UBE2E1: variants seen among roughly 807,000 people sequenced by gnomAD.
UBE2E1 encodes the protein ubiquitin conjugating enzyme E2 E1.
A neutral mutation model predicts 21.4 loss-of-function variants in UBE2E1; 6 were observed. That is an observed-to-expected ratio of 0.28 (90% CI 0.15 to 0.55). UBE2E1 has a LOEUF of 0.55. Among genes scored for constraint, UBE2E1 ranks in the 20% least tolerant of loss-of-function variants. UBE2E1 has a pLI of 0.93. For synonymous variants in UBE2E1, 87 were observed against 82.7 expected, an observed-to-expected ratio of 1.05 and a Z score of -0.28; for missense variants, 142 against 236.5, an observed-to-expected ratio of 0.60 and a Z score of 2.62.
chr3:23,843,012 A>G (rs1700127078), intron 3 of UBE2E1, among the ~76,000 whole-genome samples: 1 of 151,628 alleles, frequency 6.6e-6, no homozygotes, highest in African/African-American at 2.4e-5. Flanking sequence ...TATACTATAT[A>G]TGTTACAGTT....
At chr3:23,844,941 T>C (rs1700165904) in intron 3 of UBE2E1, among the ~76,000 whole-genome samples, 1 of 152,126 alleles carries the variant, frequency 6.6e-6, no homozygotes, top group Non-Finnish European at 1.5e-5. Flanking sequence ...GATTTTAATA[T>C]ATAATATATA....
chr3:23,872,065 C>T (rs993373498), intron 3 of UBE2E1, among the ~76,000 whole-genome samples: 5 of 151,338 alleles, frequency 3.3e-5, no homozygotes, highest in East Asian at 2.0e-4. Flanking sequence ...CACGCCACTG[C>T]GCTCCAGCCT....
rs565948806 is a variant in UBE2E1, at chr3:23,808,023, T to A, written c.152+602T>A. 4 of 152,376 alleles carry A rather than the reference T, an allele frequency of 2.6e-5. No homozygotes were observed. The highest frequency in any genetic ancestry group is 2.6e-4 in the Admixed American group (4 of 15,306). 9.4% of individuals were successfully genotyped at this position (152,376 alleles called of 1,614,324 possible). On this transcript the variant is annotated intron_variant, in intron 2 of 5. Transcript: ENST00000306627. The surrounding 1 kb of genome is among the most constrained non-coding windows in gnomAD (Gnocchi z 4.9). ...ACTATAAAATGGTTATTCTAGGTTA[T>A]TTTTGTGGTTCTCTTTAAAAACTTC... is the stretch of plus-strand genomic sequence containing the variant.
At chr3:23,840,629 G>A (rs1174634147) in intron 3 of UBE2E1, among the ~76,000 whole-genome samples, 1 of 152,174 alleles carries the variant, frequency 6.6e-6, no homozygotes, top group Non-Finnish European at 1.5e-5. Context: ...TAATGGCAAT[G>A]CAAACTATTC....
rs1018857595 is a variant in UBE2E1 at position 23,816,727 on chromosome 3, G to A, written c.203+5217G>A. Reference sequence around the variant, plus strand: ...ATCTCAAAAAAAAAGGTTATACTAAGTGAAATAAACTAGAACCAAAAAGAC... The same window carrying A: ...ATCTCAAAAAAAAAGGTTATACTAAATGAAATAAACTAGAACCAAAAAGAC... On this transcript the variant is annotated intron_variant, in intron 3 of 5. Coordinates refer to ENST00000306627, the MANE Select transcript of UBE2E1 (RefSeq NM_003341.5). This position sits in a 1 kb window ranked among gnomAD's most constrained non-coding sequence, Gnocchi z 4.8. 2.0e-5 allele frequency among the ~76,000 whole-genome samples: 3 copies of A among 152,026 alleles called. No homozygotes were observed. The highest frequency in any genetic ancestry group is 1.5e-5 in the Non-Finnish European group (1 of 68,000).
chr3:23,831,415 AT>A (rs1699863623), intron 3 of UBE2E1, among the ~76,000 whole-genome samples: 1 of 152,020 alleles, frequency 6.6e-6, no homozygotes, highest in South Asian at 2.1e-4. Flanking sequence ...GTCTAACTTG[AT>A]TGAGTTTTGG....
intron 3 of UBE2E1, among the ~76,000 whole-genome samples, chr3:23,880,235 T>A (rs1701007622): frequency 6.6e-6 from 1 of 152,122 alleles, no homozygotes; most frequent in African/African-American, 2.4e-5. Flanking sequence ...ATACAAAAAT[T>A]AGCTGGGTGT....
intron 3 of UBE2E1, among the ~76,000 whole-genome samples, chr3:23,820,618 A>G (rs1699625594): frequency 6.6e-6 from 1 of 152,222 alleles, no homozygotes; most frequent in South Asian, 2.1e-4. Flanking sequence ...TCTGCTCTCC[A>G]AAGTACATGC....
At chr3:23,883,616 A>G (rs1161402579) in intron 3 of UBE2E1, among the ~76,000 whole-genome samples, 1 of 152,212 alleles carries the variant, frequency 6.6e-6, no homozygotes, top group Non-Finnish European at 1.5e-5. Context: ...TTAAGTGACT[A>G]TCTAAAACTT....
At chr3:23,819,094 C>T (rs1699590426) in intron 3 of UBE2E1, among the ~76,000 whole-genome samples, 1 of 152,060 alleles carries the variant, frequency 6.6e-6, no homozygotes. Context: ...ACCATCCTGG[C>T]TAACATGGTG....
chr3:23,888,735 A>C (rs549476954), intron 4 of UBE2E1, among the ~76,000 whole-genome samples: 35 of 152,330 alleles, frequency 2.3e-4, no homozygotes, highest in African/African-American at 8.4e-4. Flanking sequence ...GTTGCACTTC[A>C]GTTTTTAAGA....
chr3:23,864,449 A>G (rs926080372), intron 3 of UBE2E1, among the ~76,000 whole-genome samples: 11 of 152,052 alleles, frequency 7.2e-5, no homozygotes, highest in Non-Finnish European at 1.0e-4. Context: ...TAATTGTTGT[A>G]TCTTTTCTCT....
rs974829288 is a variant in UBE2E1 at position 23,816,197 on chromosome 3, A to G, written c.203+4687A>G. ...TGACCCAGTAATTTTACTGCTATCT[A>G]TGTACCCTGAATAATTAAAAACAGA... On this transcript the variant is annotated intron_variant, in intron 3 of 5. Transcript: ENST00000306627. The surrounding 1 kb of genome is among the most constrained non-coding windows in gnomAD (Gnocchi z 4.8). 3.3e-5 allele frequency among the ~76,000 whole-genome samples: 5 copies of G among 152,234 alleles called. No individual in the cohort carries two copies. Among genetic ancestry groups the G allele is most frequent in the Non-Finnish European group, 7.3e-5 (5 of 68,038 alleles).
intron 3 of UBE2E1, among the ~76,000 whole-genome samples, chr3:23,865,377 T>G (rs1355599149): frequency 2.6e-5 from 4 of 152,030 alleles, no homozygotes; most frequent in Non-Finnish European, 5.9e-5. Flanking sequence ...TGAGATGGAG[T>G]TTCACTCTGT....
Position 23,887,656 on chromosome 3 carries a change from T to G in UBE2E1, c.293T>G (p.Leu98Arg). ...GSVYEGGVFFLDITFTPEYPF... is the reference protein window; with the variant it reads ...GSVYEGGVFFRDITFTPEYPF... ...GTGTATGAGGGTGGTGTATTCTTTC[T>G]CGATATCACTTTTACACCAGAATAT... is the stretch of plus-strand genomic sequence containing the variant. The change falls in exon 4 of 6, where the codon CTC becomes CGC. Residue 98 changes from leucine (L) to arginine (R), a missense_variant. Leu to Arg is a moderately radical substitution (Grantham distance 102). Transcript: ENST00000306627. This position sits in a 1 kb window ranked among gnomAD's most constrained non-coding sequence, Gnocchi z 4.4. 6.2e-7 allele frequency: 1 copy of G among 1,613,962 alleles called. No individual in the cohort carries two copies.
At chr3:23,864,126 A>G (rs992837262) in intron 3 of UBE2E1, among the ~76,000 whole-genome samples, 2 of 152,108 alleles carry the variant, frequency 1.3e-5, no homozygotes, top group African/African-American at 4.8e-5. Context: ...CTAGCACTTG[A>G]TTGATAGTTT....
rs991420276 is a variant in UBE2E1 at position 23,887,475 on chromosome 3, G to C, written c.204-92G>C. 6.9e-7 allele frequency: 1 copy of C among 1,454,466 alleles called. No individual in the cohort carries two copies. The highest frequency in any genetic ancestry group is 1.4e-5 in the African/African-American group (1 of 70,658). 90.1% of individuals were successfully genotyped at this position (1,454,466 alleles called of 1,614,324 possible). A position where few individuals can be genotyped will look rare whatever the true frequency, so the allele number is the denominator to read the frequency against. ...GAGAATCCACACAGTAAACAAAAGA[G>C]AGGAGAGAGGTAATCTTTCCATCTC... On this transcript the variant is annotated intron_variant, in intron 3 of 5. Coordinates refer to ENST00000306627, the MANE Select transcript of UBE2E1 (RefSeq NM_003341.5). The surrounding 1 kb of genome is among the most constrained non-coding windows in gnomAD (Gnocchi z 4.4).
intron 3 of UBE2E1, among the ~76,000 whole-genome samples, chr3:23,878,398 AATT>A (rs773765569): frequency 6.0e-4 from 92 of 152,236 alleles, no homozygotes; most frequent in Admixed American, 1.7e-3. Flanking sequence ...TTCTTCTTTT[AATT>A]ATTATCATGT....
At chr3:23,865,971 A>G (rs1181482934) in intron 3 of UBE2E1, among the ~76,000 whole-genome samples, 1 of 152,136 alleles carries the variant, frequency 6.6e-6, no homozygotes, top group African/African-American at 2.4e-5. Context: ...CTGCTCAGCT[A>G]GAAGGGTGTG....
Sources: allele counts gnomAD v4.1 joint callset (sites outside exome capture counted in the v4.1 genomes callset), GRCh38; gene constraint gnomAD v4.1.1; non-coding constraint Gnocchi (gnomAD v3.1); transcripts MANE v1.5; gene names NCBI Gene and HGNC (gene_info 2026-07-23, HGNC 2026-07-21).